Variants in INPP4A observed in about 807,000 individuals in gnomAD.
INPP4A encodes inositol polyphosphate-4-phosphatase type I A, also known as inositol polyphosphate-4-phosphatase, type I, 107kD.
A neutral mutation model predicts 119.8 loss-of-function variants in INPP4A; 33 were observed. The ratio of observed to expected loss-of-function variants is 0.28; its 90% confidence interval spans 0.21 to 0.37. INPP4A has a LOEUF of 0.37. Ranked by LOEUF, INPP4A falls within the 10% of genes least tolerant of loss-of-function variation. The probability of loss-of-function intolerance (pLI) is 1.00; values close to 1 mark genes in which losing one functional copy is unlikely to be tolerated. For synonymous variants in INPP4A, 496 were observed against 500.7 expected, an observed-to-expected ratio of 0.99 and a Z score of 0.12; for missense variants, 956 against 1,289.9, an observed-to-expected ratio of 0.74 and a Z score of 3.97.
Position 98,444,897 on chromosome 2 carries a change from T to G in INPP4A, c.-354T>G, listed in dbSNP as rs536225667. ...CGGCTGGCTAGGGCTGCGGCGCGCG[T>G]GGAGGGTTCGCTGCTGGTTTGCCGC... On this transcript the variant is annotated 5_prime_UTR_variant, in exon 1 of 25. Coordinates refer to ENST00000409851, the MANE Select transcript of INPP4A (RefSeq NM_001134225.2). The G allele has an allele frequency of 2.1e-3, 312 of 150,666 alleles. 1 individual carries two copies. Among genetic ancestry groups the G allele is most frequent in the South Asian group, 6.4e-3 (31 of 4,850 alleles). 9.3% of individuals were successfully genotyped at this position (150,666 alleles called of 1,614,324 possible). A position where few individuals can be genotyped will look rare whatever the true frequency, so the allele number is the denominator to read the frequency against.
At chr2:98,576,278 C>T (rs1056064527) in intron 23 of INPP4A, among the ~76,000 whole-genome samples, 3 of 152,134 alleles carry the variant, frequency 2.0e-5, no homozygotes, top group South Asian at 2.1e-4. Context: ...CCTGAAATCT[C>T]CCCATGGGGA....
intron 24 of INPP4A, among the ~76,000 whole-genome samples, chr2:98,580,579 T>C (rs1349787400): frequency 6.6e-6 from 1 of 152,220 alleles, no homozygotes; most frequent in Non-Finnish European, 1.5e-5. Context: ...GCAGGGAATG[T>C]GGCAGTGGGT....
intron 1 of INPP4A, among the ~76,000 whole-genome samples, chr2:98,454,861 A>C (rs1001730423): frequency 1.3e-5 from 2 of 152,032 alleles, no homozygotes; most frequent in African/African-American, 4.8e-5. Flanking sequence ...TTTTTTAAAG[A>C]ATGGAAGGAC....
chr2:98,475,845 C>T (rs1348054983), intron 1 of INPP4A, among the ~76,000 whole-genome samples: 1 of 152,194 alleles, frequency 6.6e-6, no homozygotes, highest in Non-Finnish European at 1.5e-5. Flanking sequence ...TCCACCTTGC[C>T]TGCCACTAAT....
At chr2:98,519,849 G>A (rs1248051484) in intron 2 of INPP4A, 97 bp from the exon 3 acceptor site, 3 of 568,558 alleles carry the variant, frequency 5.3e-6, no homozygotes, top group Non-Finnish European at 9.7e-6. Flanking sequence ...CCCTGTCACT[G>A]TACCTCGCCC....
intron 1 of INPP4A, among the ~76,000 whole-genome samples, chr2:98,478,516 G>C (rs1253967831): frequency 2.0e-5 from 3 of 152,230 alleles, no homozygotes; most frequent in Admixed American, 2.0e-4. Flanking sequence ...TGTGGGGGTA[G>C]GGGTGGCAGA....
At chr2:98,537,772 C>T in intron 7 of INPP4A, 91 bp from the exon 8 acceptor site, 1 of 954,310 alleles carries the variant, frequency 1.0e-6, no homozygotes. Context: ...CCCCCAGGAC[C>T]CTGATGACCC....
At chr2:98,533,131 G>A (rs1469847021) in intron 4 of INPP4A, among the ~76,000 whole-genome samples, 2 of 152,240 alleles carry the variant, frequency 1.3e-5, no homozygotes, top group African/African-American at 2.4e-5. Flanking sequence ...GACATGGGAA[G>A]CCCCCGTCAG....
At chr2:98,447,749 C>A (rs1421688380) in intron 1 of INPP4A, among the ~76,000 whole-genome samples, 1 of 152,112 alleles carries the variant, frequency 6.6e-6, no homozygotes, top group African/African-American at 2.4e-5. Context: ...CTAAATACTT[C>A]ACTGTGTATT....
Position 98,546,962 on chromosome 2 carries a change from G to A in INPP4A, c.1163+268G>A, listed in dbSNP as rs1365359876. Among the ~76,000 whole-genome samples the A allele has an allele frequency of 2.6e-5, 4 of 152,164 alleles. No individual in the cohort carries two copies. The highest frequency in any genetic ancestry group is 5.9e-5 in the Non-Finnish European group (4 of 68,028). Reference sequence around the variant, plus strand: ...CTCAGAAGTGGTGCTCCAGGCAACCGCCCTATGTAGACTCTGCTGGCTTGG... The same window carrying A: ...CTCAGAAGTGGTGCTCCAGGCAACCACCCTATGTAGACTCTGCTGGCTTGG... On this transcript the variant is annotated intron_variant, in intron 13 of 24. Transcript: ENST00000409851. This position sits in a 1 kb window ranked among gnomAD's most constrained non-coding sequence, Gnocchi z 4.2.
At chr2:98,467,225 G>A (rs1303428785) in intron 1 of INPP4A, among the ~76,000 whole-genome samples, 1 of 152,138 alleles carries the variant, frequency 6.6e-6, no homozygotes, top group Admixed American at 6.5e-5. Flanking sequence ...GCGGGGGGTG[G>A]TTGGGGGAGG....
intron 1 of INPP4A, among the ~76,000 whole-genome samples, chr2:98,457,973 C>CAAA (rs772904603): frequency 5.0e-5 from 7 of 141,344 alleles, no homozygotes; most frequent in Non-Finnish European, 7.7e-5. Context: ...GCTAATTAAA[C>CAAA]AAAAATTTTT....
At chr2:98,581,934 T>C in intron 24 of INPP4A, 1 of 1,047,578 alleles carries the variant, frequency 9.5e-7, no homozygotes, top group South Asian at 1.9e-5. Context: ...CCAAATTATT[T>C]CACCAAGAAG....
chr2:98,574,164 G>A (rs1210501223), intron 23 of INPP4A, among the ~76,000 whole-genome samples: 2 of 152,140 alleles, frequency 1.3e-5, no homozygotes, highest in Admixed American at 1.3e-4. Context: ...CCCAGCAAGC[G>A]GGGTGTAGGG....
At chr2:98,528,438 T>C (rs1688573556) in intron 4 of INPP4A, among the ~76,000 whole-genome samples, 2 of 152,134 alleles carry the variant, frequency 1.3e-5, no homozygotes, top group East Asian at 3.9e-4. Flanking sequence ...AATATACATA[T>C]AATAGGAGTT....
At chr2:98,467,275 A>G (rs1410735479) in intron 1 of INPP4A, among the ~76,000 whole-genome samples, 3 of 152,178 alleles carry the variant, frequency 2.0e-5, no homozygotes, top group Admixed American at 2.0e-4. Flanking sequence ...CCATGACCCA[A>G]ATACTTCCCA....
intron 17 of INPP4A, among the ~76,000 whole-genome samples, chr2:98,562,608 GTGGTGA>G (rs1482212151): frequency 6.6e-6 from 1 of 152,220 alleles, no homozygotes; most frequent in Non-Finnish European, 1.5e-5. Context: ...GATTCACCAA[GTGGTGA>G]TGGTCACATG....
intron 13 of INPP4A, among the ~76,000 whole-genome samples, chr2:98,547,930 G>A (rs182124492): frequency 1.7e-4 from 26 of 152,134 alleles, no homozygotes; most frequent in Middle Eastern, 3.2e-3. Flanking sequence ...CCCAGGGAGC[G>A]TCACAAGAAT....
chr2:98,520,856 C>T lies in INPP4A; in HGVS notation c.151+125C>T, dbSNP rs6730113. On this transcript the variant is annotated intron_variant, in intron 4 of 24. Transcript: ENST00000409851. ...GCTGCTGCTGCCACCACTGCTGCAGCGTTTCTGAGAAGACGGAGCCCTCAC... is the reference window on the plus strand; with the variant it reads ...GCTGCTGCTGCCACCACTGCTGCAGTGTTTCTGAGAAGACGGAGCCCTCAC... 0.011 allele frequency: 6,394 copies of T among 599,116 alleles called. 349 individuals carry two copies. The African/African-American group carries it at 0.11, about 10-fold the overall frequency. The allele number at this position is 599,116 out of a possible 1,614,324, so 37.1% of individuals were successfully genotyped here.
Sources: gnomAD v4.1 joint callset for allele counts (sites outside exome capture counted in the v4.1 genomes callset) on GRCh38, gnomAD v4.1.1 for gene constraint, Gnocchi (gnomAD v3.1) non-coding constraint, MANE v1.5 for transcripts, NCBI Gene and HGNC (gene_info 2026-07-23, HGNC 2026-07-21) for gene names.